Variants in KLHL7 observed in about 807,000 individuals in gnomAD.
The protein encoded by KLHL7 is kelch-like protein 7.
A neutral mutation model predicts 67.4 loss-of-function variants in KLHL7; 44 were observed. That is an observed-to-expected ratio of 0.65 (90% CI 0.51 to 0.84). The LOEUF (loss-of-function observed/expected upper bound fraction) is 0.84. Among genes scored for constraint, KLHL7 ranks in the 40% least tolerant of loss-of-function variants. KLHL7 has a pLI of 0.00. For missense variants in KLHL7, 362 were observed against 718.1 expected (o/e 0.50, Z 5.67); for synonymous variants, 252 against 243.3 (o/e 1.04, Z -0.33).
intron 6 of KLHL7, among the ~76,000 whole-genome samples, chr7:23,150,910 T>C (rs1042637307): frequency 2.6e-5 from 4 of 152,342 alleles, no homozygotes. Flanking sequence ...CTGTGAACTA[T>C]ATTCAGATAC....
chr7:23,156,268 T>C (rs1181745818), intron 7 of KLHL7: 1 of 196,270 alleles, frequency 5.1e-6, no homozygotes, highest in African/African-American at 2.4e-5. Context: ...TTTCTGAATA[T>C]TGACAGAAAA....
At chr7:23,132,148 C>T (rs1207618518) in intron 4 of KLHL7, among the ~76,000 whole-genome samples, 1 of 152,140 alleles carries the variant, frequency 6.6e-6, no homozygotes, top group African/African-American at 2.4e-5. Flanking sequence ...ATACTGATTT[C>T]CTTTCTTTTG....
intron 7 of KLHL7, among the ~76,000 whole-genome samples, chr7:23,163,334 C>A (rs2128469104): frequency 6.6e-6 from 1 of 152,184 alleles, no homozygotes; most frequent in South Asian, 2.1e-4. Context: ...CCATGCCCGG[C>A]TAATTTTTTG....
rs949074448 is a variant in KLHL7, at chr7:23,177,562, C to G, written c.*3264C>G. ...CGTAAAAGTACACTCACCATACTGA[C>G]AAGCACATTTTCTATTTTGTTGCCC... is the stretch of plus-strand genomic sequence containing the variant. On this transcript the variant is annotated 3_prime_UTR_variant, in exon 11 of 11. Coordinates refer to ENST00000339077, the MANE Select transcript of KLHL7 (RefSeq NM_001031710.3). 1 of 152,144 alleles carries G rather than the reference C, an allele frequency of 6.6e-6. No homozygotes were observed. Among genetic ancestry groups the G allele is most frequent in the Admixed American group, 6.5e-5 (1 of 15,280 alleles). The allele number at this position is 152,144 out of a possible 1,614,324, so 9.4% of individuals were successfully genotyped here. A position where few individuals can be genotyped will look rare whatever the true frequency, so the allele number is the denominator to read the frequency against.
chr7:23,131,728 T>A (rs1409218482), intron 4 of KLHL7, among the ~76,000 whole-genome samples: 1 of 132,088 alleles, frequency 7.6e-6, no homozygotes, highest in African/African-American at 3.5e-5. Flanking sequence ...TAGGTCTTAT[T>A]TATTCTTTTT....
intron 4 of KLHL7, 128 bp from the exon 5 acceptor site, chr7:23,140,641 A>G (rs533776935): frequency 1.4e-5 from 11 of 783,338 alleles, no homozygotes; most frequent in South Asian, 7.3e-5. Flanking sequence ...CAAATCAATG[A>G]AACAGAAACG....
chr7:23,134,689 A>G (rs1381812517), intron 4 of KLHL7, among the ~76,000 whole-genome samples: 4 of 152,138 alleles, frequency 2.6e-5, no homozygotes, highest in East Asian at 1.9e-4. Flanking sequence ...GGTAGGTTGT[A>G]TGTATCTAGA....
chr7:23,156,585 C>T (rs569242981), intron 7 of KLHL7, among the ~76,000 whole-genome samples: 13 of 152,276 alleles, frequency 8.5e-5, no homozygotes, highest in African/African-American at 1.7e-4. Context: ...TGGCTTCATA[C>T]GGTGGAGAAA....
At position 23,105,796 on chromosome 7, in the gene KLHL7, G is replaced by C. The variant is rs556626844; in HGVS notation, c.-231G>C. The C allele has an allele frequency of 1.9e-4, 110 of 576,590 alleles. 1 individual carries two copies. The highest frequency in any genetic ancestry group is 6.1e-4 in the South Asian group (32 of 52,886). The allele number at this position is 576,590 out of a possible 1,614,324, so 35.7% of individuals were successfully genotyped here. ...CCTGGGCAGGGCTCGGGTTCTGCCCGGGGACGCAGCCCAGTTGGTAGCGTC... is the reference window on the plus strand; with the variant it reads ...CCTGGGCAGGGCTCGGGTTCTGCCCCGGGACGCAGCCCAGTTGGTAGCGTC... On this transcript the variant is annotated 5_prime_UTR_variant, in exon 1 of 11. Transcript: ENST00000339077.
At chr7:23,154,867 A>G (rs1360745974) in intron 7 of KLHL7, among the ~76,000 whole-genome samples, 2 of 152,192 alleles carry the variant, frequency 1.3e-5, no homozygotes, top group East Asian at 1.9e-4. Context: ...CCCTCTTGTA[A>G]CAAAGTTACC....
intron 1 of KLHL7, among the ~76,000 whole-genome samples, chr7:23,118,609 C>A (rs1034839935): frequency 1.3e-5 from 2 of 152,180 alleles, no homozygotes; most frequent in Non-Finnish European, 2.9e-5. Flanking sequence ...TGGATGGAGA[C>A]TGAAGCTTCC....
At chr7:23,142,671 A>G (rs552615142) in intron 5 of KLHL7, among the ~76,000 whole-genome samples, 93 of 152,282 alleles carry the variant, frequency 6.1e-4, no homozygotes, top group Middle Eastern at 3.4e-3. Flanking sequence ...AAAAAACCAT[A>G]ACCTCAGTCT....
In KLHL7 at chr7:23,174,706, A is replaced by T. The variant is rs538621754; in HGVS notation, c.*408A>T. On this transcript the variant is annotated 3_prime_UTR_variant, in exon 11 of 11. Transcript: ENST00000339077. ...TCTGTTTGTGCTCAGTCAAGAACTA[A>T]GAAATAGTATGAATTGTAAGTCAAG... The T allele has an allele frequency of 1.1e-5, 5 of 456,188 alleles. No homozygotes were observed. Among genetic ancestry groups the T allele is most frequent in the South Asian group, 7.8e-5 (5 of 64,502 alleles). 28.3% of individuals were successfully genotyped at this position (456,188 alleles called of 1,614,324 possible). A position where few individuals can be genotyped will look rare whatever the true frequency, so the allele number is the denominator to read the frequency against.
intron 1 of KLHL7, among the ~76,000 whole-genome samples, chr7:23,116,716 G>C (rs1783104762): frequency 2.0e-5 from 3 of 152,154 alleles, no homozygotes; most frequent in Admixed American, 2.0e-4. Flanking sequence ...ACTACTCTCA[G>C]AAAGGTAATT....
At position 23,131,891 on chromosome 7, in the gene KLHL7, G is replaced by A. The variant is rs138330868; in HGVS notation, c.442+6719G>A. Among the ~76,000 whole-genome samples the A allele has an allele frequency of 9.2e-5, 14 of 152,088 alleles. No homozygotes were observed. In the East Asian group the frequency reaches 2.1e-3, roughly 23 times the overall value. On this transcript the variant is annotated intron_variant, in intron 4 of 10. Transcript: ENST00000339077. ...TGATTTTTAGATCCCACAAATAAAC[G>A]AGAATATGTGATGTCTGTCTTTCTG...
chr7:23,173,304 G>C (rs945461732), intron 10 of KLHL7, among the ~76,000 whole-genome samples: 4 of 152,056 alleles, frequency 2.6e-5, no homozygotes, highest in African/African-American at 4.8e-5. Flanking sequence ...TACCTCCTGG[G>C]GAATGATGTC....
At chr7:23,143,095 CAGAAAG>C (rs1232155999) in intron 5 of KLHL7, among the ~76,000 whole-genome samples, 1 of 152,002 alleles carries the variant, frequency 6.6e-6, no homozygotes, top group East Asian at 1.9e-4. Context: ...AAAATTAACT[CAGAAAG>C]AGATCAGAAG....
chr7:23,113,096 A>G (rs1430146144), intron 1 of KLHL7, among the ~76,000 whole-genome samples: 2 of 151,506 alleles, frequency 1.3e-5, no homozygotes, highest in Non-Finnish European at 2.9e-5. Flanking sequence ...AATCAGAAGA[A>G]TGAAGGAGTT....
At chr7:23,125,353 C>CTTATTAAATATTAT (rs2128460524) in intron 4 of KLHL7, 181 bp downstream of exon 4, 1 of 606,910 alleles carries the variant, frequency 1.6e-6, no homozygotes, top group Admixed American at 3.2e-5. Flanking sequence ...ACCTGGGCAG[C>CTTATTAAATATTAT]AGCAAGCTTA....
Sources: allele counts gnomAD v4.1 joint callset (sites outside exome capture counted in the v4.1 genomes callset), GRCh38; gene constraint gnomAD v4.1.1; transcripts MANE v1.5; gene names NCBI Gene and HGNC (gene_info 2026-07-23, HGNC 2026-07-21).